TP63: variants seen among roughly 807,000 people sequenced by gnomAD.
TP63 encodes tumor protein 63.
A neutral mutation model predicts 82.8 loss-of-function variants in TP63; 17 were observed. The observed-to-expected ratio is 0.21, with a 90% CI of 0.14 to 0.31. TP63 has a LOEUF of 0.31. TP63 is among the 10% of genes least tolerant of loss of function. The pLI is 1.00. For missense variants in TP63, 648 were observed against 895.3 expected (o/e 0.72, Z 3.52); for synonymous variants, 330 against 321.7 (o/e 1.03, Z -0.28).
intron 5 of TP63, among the ~76,000 whole-genome samples, chr3:189,864,940 A>C (rs1221827175): frequency 6.6e-6 from 1 of 152,048 alleles, no homozygotes; most frequent in Non-Finnish European, 1.5e-5. Flanking sequence ...CCAGGAGGCC[A>C]AGCTTGCAGT....
chr3:189,873,157 T>C lies in TP63; in HGVS notation c.1349+162T>C, dbSNP rs2108819370. 9.2e-6 allele frequency: 9 copies of C among 980,086 alleles called. No individual in the cohort carries two copies. In the South Asian group the frequency reaches 1.2e-4, roughly 13 times the overall value. The allele number at this position is 980,086 out of a possible 1,614,324, so 60.7% of individuals were successfully genotyped here. ...GCAACCCTCTTTCAGTTGCAACCTTTTTTACGTGTCTTATTATAACCTTCC... is the reference window on the plus strand; with the variant it reads ...GCAACCCTCTTTCAGTTGCAACCTTCTTTACGTGTCTTATTATAACCTTCC... On this transcript the variant is annotated intron_variant, in intron 10 of 13. Coordinates refer to ENST00000264731, the MANE Select transcript of TP63 (RefSeq NM_003722.5).
chr3:189,697,252 A>G (rs1717455297), intron 1 of TP63, among the ~76,000 whole-genome samples: 1 of 112,950 alleles, frequency 8.9e-6, no homozygotes, highest in Non-Finnish European at 1.8e-5. Flanking sequence ...TTTTTTTTGC[A>G]TATGGACACT....
At chr3:189,689,328 C>T (rs1204640247) in intron 1 of TP63, among the ~76,000 whole-genome samples, 1 of 151,668 alleles carries the variant, frequency 6.6e-6, no homozygotes, top group East Asian at 1.9e-4. Context: ...GTTGGTCAGG[C>T]TAGTCTCAAA....
intron 1 of TP63, among the ~76,000 whole-genome samples, chr3:189,717,763 T>C (rs1719071124): frequency 6.6e-6 from 1 of 152,170 alleles, no homozygotes; most frequent in Non-Finnish European, 1.5e-5. Flanking sequence ...TTTAAAGCAG[T>C]TTTCTTTGTG....
intron 3 of TP63, among the ~76,000 whole-genome samples, chr3:189,750,824 T>C (rs1305795033): frequency 6.6e-6 from 1 of 152,188 alleles, no homozygotes; most frequent in Non-Finnish European, 1.5e-5. Flanking sequence ...TTATTATTTT[T>C]ATTTTTTATT....
intron 10 of TP63, among the ~76,000 whole-genome samples, chr3:189,883,686 T>G (rs982876153): frequency 2.0e-5 from 3 of 152,148 alleles, no homozygotes; most frequent in African/African-American, 7.2e-5. Flanking sequence ...GGCTACAGGT[T>G]AAGAAAATGA....
chr3:189,828,260 AAAAG>A (rs1239746949), intron 4 of TP63, among the ~76,000 whole-genome samples: 4 of 151,942 alleles, frequency 2.6e-5, no homozygotes, highest in African/African-American at 9.7e-5. Context: ...AAAAAAAAAA[AAAAG>A]AGAGAGAGAT....
intron 10 of TP63, among the ~76,000 whole-genome samples, chr3:189,877,635 C>T (rs982011483): frequency 6.6e-6 from 1 of 152,122 alleles, no homozygotes; most frequent in Non-Finnish European, 1.5e-5. Context: ...ACAATTGTGG[C>T]TCATTAGTAA....
chr3:189,789,714 A>G, intron 3 of TP63: 3 of 1,413,564 alleles, frequency 2.1e-6, no homozygotes, highest in South Asian at 1.4e-5. Context: ...AAGTAGATTC[A>G]TATTGTAAGG....
chr3:189,870,543 G>T (rs1443731876), intron 9 of TP63, among the ~76,000 whole-genome samples: 3 of 151,986 alleles, frequency 2.0e-5, no homozygotes, highest in Non-Finnish European at 2.9e-5. Flanking sequence ...AGATGGGGGT[G>T]GGTAGTCCTG....
chr3:189,837,218 T>TC (rs398106866), intron 4 of TP63, among the ~76,000 whole-genome samples: 10 of 133,778 alleles, frequency 7.5e-5, no homozygotes, highest in Non-Finnish European at 1.2e-4. Context: ...ATTTTTTTTT[T>TC]CTCTCTCTCT....
chr3:189,868,204 G>A (rs984686658), intron 7 of TP63, among the ~76,000 whole-genome samples: 2 of 152,206 alleles, frequency 1.3e-5, no homozygotes, highest in Non-Finnish European at 2.9e-5. Context: ...GACTGGAATT[G>A]TTCTGATTAG....
intron 1 of TP63, among the ~76,000 whole-genome samples, chr3:189,651,792 C>T (rs1192828423): frequency 3.4e-5 from 5 of 146,594 alleles, no homozygotes; most frequent in African/African-American, 7.7e-5. Flanking sequence ...TGTGCAGCCT[C>T]GGGACATGGT....
the TP63 span, among the ~76,000 whole-genome samples, chr3:189,604,660 T>G: frequency 6.6e-6 from 1 of 152,072 alleles, no homozygotes; most frequent in Non-Finnish European, 1.5e-5. Context: ...GTTTGCAAGG[T>G]TTAGGTTGCC....
intron 3 of TP63, among the ~76,000 whole-genome samples, chr3:189,793,189 G>A (rs955230900): frequency 1.3e-5 from 2 of 151,910 alleles, no homozygotes; most frequent in African/African-American, 2.4e-5. Context: ...TTAGATCACA[G>A]ATCACAGATC....
intron 1 of TP63, among the ~76,000 whole-genome samples, chr3:189,705,262 C>G (rs1249707023): frequency 6.6e-6 from 1 of 152,176 alleles, no homozygotes; most frequent in Admixed American, 6.5e-5. Flanking sequence ...CCTAACCATT[C>G]TGAGCCTCAG....
intron 1 of TP63, among the ~76,000 whole-genome samples, chr3:189,719,067 G>A (rs1313807744): frequency 1.3e-5 from 2 of 152,074 alleles, no homozygotes; most frequent in Non-Finnish European, 2.9e-5. Flanking sequence ...TAATTGAAGT[G>A]TAGGGTAAGA....
intron 1 of TP63, among the ~76,000 whole-genome samples, chr3:189,735,049 A>C (rs753763061): frequency 1.1e-4 from 16 of 152,164 alleles, no homozygotes; most frequent in Non-Finnish European, 2.2e-4. Context: ...TTCTAATGTC[A>C]AGGTTGCGAA....
chr3:189,651,330 G>C (rs1712867922), intron 1 of TP63, among the ~76,000 whole-genome samples: 1 of 146,472 alleles, frequency 6.8e-6, no homozygotes, highest in Non-Finnish European at 1.5e-5. Context: ...TGGATAACTT[G>C]AGGTCAGGAG....
Sources: gnomAD v4.1 joint callset for allele counts (sites outside exome capture counted in the v4.1 genomes callset) on GRCh38, gnomAD v4.1.1 for gene constraint, MANE v1.5 for transcripts, NCBI Gene and HGNC (gene_info 2026-07-23, HGNC 2026-07-21) for gene names.